Variants in GRIK4 observed in about 807,000 individuals in gnomAD.
The protein encoded by GRIK4 is glutamate ionotropic receptor kainate type subunit 4, also known as glutamate receptor ionotropic, kainate 4.
A neutral mutation model predicts 104.9 loss-of-function variants in GRIK4; 40 were observed. The ratio of observed to expected loss-of-function variants is 0.38; its 90% CI spans 0.30 to 0.50. The LOEUF (loss-of-function observed/expected upper bound fraction) is 0.50. Ranked by LOEUF, GRIK4 falls within the 20% of genes least tolerant of loss-of-function variation. GRIK4 has a pLI of 0.93. For synonymous variants in GRIK4, 485 were observed against 524.9 expected, an observed-to-expected ratio of 0.92 and a Z score of 1.04; for missense variants, 1,047 against 1,308.1, an observed-to-expected ratio of 0.80 and a Z score of 3.08.
chr11:120,862,094 G>A lies in GRIK4; in HGVS notation c.880G>A (p.Asp294Asn), dbSNP rs1954280496. The A allele has an allele frequency of 6.2e-7, 1 of 1,614,086 alleles. No individual in the cohort carries two copies. Among genetic ancestry groups the A allele is most frequent in the Non-Finnish European group, 8.5e-7 (1 of 1,179,988 alleles). ...CAACCAGTCCTGGCAGGAGAACTGT[G>A]ACCATGTGCCCTTCACTGGGCCTGC... ...SLNQSWQENC[D>N]HVPFTGPALS... Residue 294 changes from aspartate to asparagine, a missense_variant, in exon 9 of 21, where the codon GAC (aspartate) becomes AAC (asparagine). Asp to Asn is a conservative substitution (Grantham distance 23). Around this residue, in one of 3 missense-constraint regions of GRIK4, gnomAD observed 447 missense variants for 514.9 expected, o/e 0.87. Transcript: ENST00000527524.
intron 3 of GRIK4, among the ~76,000 whole-genome samples, chr11:120,756,415 C>T (rs995935656): frequency 6.6e-6 from 1 of 152,134 alleles, no homozygotes; most frequent in African/African-American, 2.4e-5. Context: ...GTGTCCTGTG[C>T]CACATACTGC....
chr11:120,557,907 ACTCG>A (rs1190884966), intron 1 of GRIK4, among the ~76,000 whole-genome samples: 15 of 150,704 alleles, frequency 1.0e-4, no homozygotes, highest in Admixed American at 2.0e-4. Context: ...AGTCCCAGCT[ACTCG>A]GGAGGCTGAG....
rs1268038752 is a variant in GRIK4 at position 120,705,287 on chromosome 11, A to T, written c.82+44887A>T. On this transcript the variant is annotated intron_variant, in intron 3 of 20. Transcript: ENST00000527524. Reference sequence around the variant, plus strand: ...ACTGTTGTCTTGCAGGCTGGAGTGCAGTGGCACAATCTCGGCTCACTACTG... The same window carrying T: ...ACTGTTGTCTTGCAGGCTGGAGTGCTGTGGCACAATCTCGGCTCACTACTG... Among the ~76,000 whole-genome samples the T allele has an allele frequency of 2.0e-5, 3 of 147,808 alleles. No homozygotes were observed. The Admixed American group carries it at 2.1e-4, about 10-fold the overall frequency.
intron 19 of GRIK4, among the ~76,000 whole-genome samples, chr11:120,981,035 A>G (rs376425528): frequency 1.4e-4 from 21 of 152,252 alleles, no homozygotes; most frequent in African/African-American, 5.1e-4. Context: ...ACGAGGCTCC[A>G]TGTTCTGTGA....
At chr11:120,630,755 G>A (rs1949323384) in intron 1 of GRIK4, among the ~76,000 whole-genome samples, 1 of 152,234 alleles carries the variant, frequency 6.6e-6, no homozygotes, top group Admixed American at 6.5e-5. Context: ...AACACCATTG[G>A]ATGCGGATGT....
intron 11 of GRIK4, among the ~76,000 whole-genome samples, chr11:120,887,547 C>A (rs1437681629): frequency 6.6e-6 from 1 of 152,156 alleles, no homozygotes; most frequent in Non-Finnish European, 1.5e-5. Flanking sequence ...AAATGACTTG[C>A]CCAAAAGAAC....
In GRIK4 at chr11:120,739,134, C is replaced by T. The variant is rs112277610; in HGVS notation, c.83-63559C>T. ...TTAGTTGAGTTTCCAAGGCTCAATC[C>T]CCCCTCCTGTAGCCACCTGCCCTGC... On this transcript the variant is annotated intron_variant, in intron 3 of 20. Coordinates refer to ENST00000527524, the MANE Select transcript of GRIK4 (RefSeq NM_014619.5). 9.6e-3 allele frequency among the ~76,000 whole-genome samples: 1,455 copies of T among 152,286 alleles called. 11 individuals are homozygous for T. The highest frequency in any genetic ancestry group is 0.015 in the Admixed American group (224 of 15,306).
chr11:120,719,718 AG>A (rs1370727869), intron 3 of GRIK4, among the ~76,000 whole-genome samples: 1 of 152,232 alleles, frequency 6.6e-6, no homozygotes, highest in African/African-American at 2.4e-5. Context: ...GAAATGAAAT[AG>A]TTACATAAGC....
At chr11:120,723,246 G>A (rs923362801) in intron 3 of GRIK4, among the ~76,000 whole-genome samples, 70 of 152,250 alleles carry the variant, frequency 4.6e-4, no homozygotes, top group African/African-American at 1.4e-3. Flanking sequence ...TACATGTTAC[G>A]TTAATATAAG....
intron 9 of GRIK4, chr11:120,871,335 T>C: frequency 3.4e-6 from 1 of 291,716 alleles, no homozygotes; most frequent in South Asian, 3.6e-5. Flanking sequence ...GCGAGTTACA[T>C]GGAAGGACAA....
At chr11:120,749,840 A>G (rs1032412154) in intron 3 of GRIK4, among the ~76,000 whole-genome samples, 1 of 152,164 alleles carries the variant, frequency 6.6e-6, no homozygotes, top group African/African-American at 2.4e-5. Flanking sequence ...TCATTTTAAA[A>G]TTTACTTTTA....
chr11:120,915,203 T>G (rs186582723), intron 13 of GRIK4, among the ~76,000 whole-genome samples: 22 of 152,188 alleles, frequency 1.4e-4, no homozygotes, highest in Non-Finnish European at 3.1e-4. Flanking sequence ...AGCTCATTAT[T>G]CACAGACAGG....
chr11:120,522,641 AC>A (rs1947809816), intron 1 of GRIK4, among the ~76,000 whole-genome samples: 1 of 152,020 alleles, frequency 6.6e-6, no homozygotes, highest in Non-Finnish European at 1.5e-5. Context: ...TTTGTTCTGC[AC>A]CCTCCTTGGA....
chr11:120,749,684 T>A (rs1197047684), intron 3 of GRIK4, among the ~76,000 whole-genome samples: 1 of 152,096 alleles, frequency 6.6e-6, no homozygotes, highest in African/African-American at 2.4e-5. Context: ...TGGTAAATAA[T>A]GCCAGCGCTG....
intron 3 of GRIK4, among the ~76,000 whole-genome samples, chr11:120,768,785 CA>C (rs1200285201): frequency 1.3e-5 from 2 of 152,130 alleles, no homozygotes; most frequent in African/African-American, 4.8e-5. Flanking sequence ...TTTTCTGCAC[CA>C]GTTGAGATGA....
At chr11:120,733,634 CCT>C (rs1445706053) in intron 3 of GRIK4, among the ~76,000 whole-genome samples, 2 of 151,840 alleles carry the variant, frequency 1.3e-5, no homozygotes, top group Non-Finnish European at 1.5e-5. Context: ...ACTTTGACCC[CCT>C]GCTTTTTAAT....
intron 6 of GRIK4, among the ~76,000 whole-genome samples, chr11:120,823,763 TG>T (rs1217588283): frequency 9.2e-5 from 14 of 152,340 alleles, no homozygotes; most frequent in African/African-American, 3.4e-4. Flanking sequence ...GACAAGGTTC[TG>T]GAGCAGATGT....
At chr11:120,913,645 T>C (rs1042637129) in intron 13 of GRIK4, among the ~76,000 whole-genome samples, 1 of 151,800 alleles carries the variant, frequency 6.6e-6, no homozygotes, top group Non-Finnish European at 1.5e-5. Flanking sequence ...AAGGCTTAGA[T>C]TCAAGGCTCA....
At chr11:120,982,907 G>GC (rs1203436351) in intron 20 of GRIK4, among the ~76,000 whole-genome samples, 1 of 152,100 alleles carries the variant, frequency 6.6e-6, no homozygotes, top group African/African-American at 2.4e-5. Flanking sequence ...ACACAACACC[G>GC]CCTGCCAGTC....
Sources: allele counts gnomAD v4.1 joint callset (sites outside exome capture counted in the v4.1 genomes callset), GRCh38; gene constraint gnomAD v4.1.1; regional missense constraint gnomAD v4.1.1; transcripts MANE v1.5; gene names NCBI Gene and HGNC (gene_info 2026-07-23, HGNC 2026-07-21).